The following PADI4 variants were observed in gnomAD, a reference collection of about 807,000 sequenced individuals.
PADI4 encodes peptidyl arginine deiminase 4, also known as protein-arginine deiminase type-4.
PADI4 carries 62 observed loss-of-function variants against 75.0 expected under a neutral mutation model. The ratio of observed to expected loss-of-function variants is 0.83; its 90% CI spans 0.67 to 1.02. The LOEUF (loss-of-function observed/expected upper bound fraction) is 1.02. Ranked by LOEUF, PADI4 falls within the 50% of genes least tolerant of loss-of-function variation. The probability of loss-of-function intolerance (pLI) is 0.00; values close to 1 mark genes in which losing one functional copy is unlikely to be tolerated. For synonymous variants in PADI4, 361 were observed against 348.1 expected (o/e 1.04, Z -0.41); for missense variants, 845 against 850.5 (o/e 0.99, Z 0.08).
intron 10 of PADI4, among the ~76,000 whole-genome samples, chr1:17,351,201 G>GAA (rs61284318): frequency 0.026 from 1,960 of 76,800 alleles, 84 homozygotes; most frequent in African/African-American, 0.085. Context: ...TGTCCCAGAG[G>GAA]AAAAAAAAAA....
intron 10 of PADI4, among the ~76,000 whole-genome samples, chr1:17,353,112 G>A (rs977067179): frequency 5.3e-5 from 8 of 152,128 alleles, no homozygotes; most frequent in African/African-American, 1.4e-4. Context: ...CGGGAGAAGC[G>A]GGTTGGTCTG....
rs2074885814 is a variant in PADI4, at chr1:17,363,988, A to G, written c.*233A>G. 2.5e-6 allele frequency: 1 copy of G among 406,682 alleles called. No individual in the cohort carries two copies. The highest frequency in any genetic ancestry group is 4.5e-6 in the Non-Finnish European group (1 of 223,608). 25.2% of individuals were successfully genotyped at this position (406,682 alleles called of 1,614,324 possible). Reference sequence around the variant, plus strand: ...AAGAAGCTGCAATAAAGTTTTTTTAAGTCACTTTGTACATGAGGTCAAGAT... The same window carrying G: ...AAGAAGCTGCAATAAAGTTTTTTTAGGTCACTTTGTACATGAGGTCAAGAT... On this transcript the variant is annotated 3_prime_UTR_variant, in exon 16 of 16. Transcript: ENST00000375448.
At chr1:17,360,297 A>G (rs1188658414) in intron 15 of PADI4, among the ~76,000 whole-genome samples, 10 of 151,874 alleles carry the variant, frequency 6.6e-5, no homozygotes, top group African/African-American at 2.4e-4. Context: ...TCTCGGGAAA[A>G]AAAAAAAAAA....
At chr1:17,320,301 A>G (rs1569993982) in intron 1 of PADI4, among the ~76,000 whole-genome samples, 2 of 152,296 alleles carry the variant, frequency 1.3e-5, no homozygotes, top group Admixed American at 1.3e-4. Flanking sequence ...AGTGGTCCCA[A>G]TCCAGACCCC....
chr1:17,346,106 TGAG>T lies in PADI4; in HGVS notation c.1021_1023del (p.Glu341del). ...CCAAGTGCAAGCTGACCATCTGCCC[TGAG>T]GAGGAGAACATGGATGACCAGTGGA... is the stretch of plus-strand genomic sequence containing the variant. On this transcript the variant is annotated inframe_deletion, in exon 9 of 16. Transcript: ENST00000375448. This position sits in a 1 kb window ranked among gnomAD's most constrained non-coding sequence, Gnocchi z 4.3. 4.3e-6 allele frequency: 7 copies of T among 1,613,548 alleles called. No individual in the cohort carries two copies. The highest frequency in any genetic ancestry group is 5.9e-6 in the Non-Finnish European group (7 of 1,179,430).
chr1:17,332,528 G>C (rs1362139038), intron 2 of PADI4, among the ~76,000 whole-genome samples: 1 of 152,184 alleles, frequency 6.6e-6, no homozygotes, highest in African/African-American at 2.4e-5. Context: ...GGGATTACAG[G>C]CATGAGCCAC....
chr1:17,318,690 C>CTT (rs11464953), intron 1 of PADI4, among the ~76,000 whole-genome samples: 3,288 of 143,024 alleles, frequency 0.023, 126 homozygotes, highest in African/African-American at 0.08. Flanking sequence ...GATTTTTTTT[C>CTT]TTTTTTTTTT....
chr1:17,359,502 T>C, intron 15 of PADI4, 94 bp downstream of exon 15: 5 of 1,547,580 alleles, frequency 3.2e-6, no homozygotes, highest in Admixed American at 1.8e-5. Flanking sequence ...CCAGAGGGCT[T>C]GGCTCCTCTC....
chr1:17,322,795 CCCTT>C (rs1018586714), intron 1 of PADI4, among the ~76,000 whole-genome samples: 1 of 151,628 alleles, frequency 6.6e-6, no homozygotes, highest in South Asian at 2.1e-4. Flanking sequence ...CTTCTTCCCT[CCCTT>C]CCTTCTTTCT....
chr1:17,355,473 C>T (rs1053047693), intron 11 of PADI4, among the ~76,000 whole-genome samples: 4 of 151,656 alleles, frequency 2.6e-5, no homozygotes, highest in African/African-American at 7.3e-5. Flanking sequence ...CGCTTGATCC[C>T]GGGAGGCGGA....
Position 17,363,529 on chromosome 1 carries a change from T to C in PADI4, c.1766T>C (p.Met589Thr). ...AEAFFPNMVN[M>T]LVLGKHLGIP... ...ACCCTCACTTCCCTGCAGGTGAACATGCTGGTGCTAGGGAAGCACCTGGGC... is the reference window on the plus strand; with the variant it reads ...ACCCTCACTTCCCTGCAGGTGAACACGCTGGTGCTAGGGAAGCACCTGGGC... Residue 589 changes from methionine to threonine, a missense_variant, in exon 16 of 16, where the codon ATG becomes ACG. Met to Thr is a moderately conservative substitution (Grantham distance 81). Coordinates refer to ENST00000375448, the MANE Select transcript of PADI4 (RefSeq NM_012387.3). 1 of 1,610,908 alleles carries C rather than the reference T, an allele frequency of 6.2e-7. No homozygotes were observed. Among genetic ancestry groups the C allele is most frequent in the African/African-American group, 1.3e-5 (1 of 74,976 alleles).
intron 5 of PADI4, among the ~76,000 whole-genome samples, chr1:17,338,504 G>C (rs1017085593): frequency 6.6e-6 from 1 of 152,132 alleles, no homozygotes; most frequent in Non-Finnish European, 1.5e-5. Context: ...TCATATCAGA[G>C]CAGGCCCTGA....
intron 2 of PADI4, among the ~76,000 whole-genome samples, chr1:17,332,830 G>T (rs918371239): frequency 6.6e-6 from 1 of 152,120 alleles, no homozygotes; most frequent in Non-Finnish European, 1.5e-5. Context: ...GTCGGGGAAG[G>T]CTTCCTGAAA....
At chr1:17,314,564 C>T (rs79629010) in intron 1 of PADI4, among the ~76,000 whole-genome samples, 51 of 152,246 alleles carry the variant, frequency 3.3e-4, no homozygotes, top group African/African-American at 7.7e-4. Flanking sequence ...TACCACATGC[C>T]GGGCCCTCCA....
At chr1:17,332,891 G>A (rs71644036) in intron 2 of PADI4, among the ~76,000 whole-genome samples, 2,439 of 152,274 alleles carry the variant, frequency 0.016, 34 homozygotes, top group Non-Finnish European at 0.024. Context: ...GAGCAGGAGA[G>A]AGGAGAGAGT....
chr1:17,363,064 G>A (rs905501853), intron 15 of PADI4, among the ~76,000 whole-genome samples: 86 of 152,126 alleles, frequency 5.7e-4, no homozygotes, highest in African/African-American at 2.0e-3. Context: ...TGATCCACTC[G>A]CCTAGGCCTC....
At chr1:17,352,284 C>T (rs1376842926) in intron 10 of PADI4, among the ~76,000 whole-genome samples, 1 of 148,130 alleles carries the variant, frequency 6.8e-6, no homozygotes, top group African/African-American at 2.6e-5. Context: ...AGATGGGGGG[C>T]AGTAGAAGAG....
intron 1 of PADI4, among the ~76,000 whole-genome samples, chr1:17,329,857 T>C (rs1387554908): frequency 2.0e-5 from 3 of 152,238 alleles, no homozygotes; most frequent in Admixed American, 1.3e-4. Context: ...TTGATGTTCT[T>C]CACTTTGACC....
intron 1 of PADI4, among the ~76,000 whole-genome samples, chr1:17,314,477 C>T (rs111602272): frequency 2.6e-5 from 4 of 152,182 alleles, no homozygotes; most frequent in Non-Finnish European, 4.4e-5. Flanking sequence ...ATCTCCTGGC[C>T]GGGAACTGCC....
Sources: gnomAD v4.1 joint callset for allele counts (sites outside exome capture counted in the v4.1 genomes callset) on GRCh38, gnomAD v4.1.1 for gene constraint, Gnocchi (gnomAD v3.1) non-coding constraint, MANE v1.5 for transcripts, NCBI Gene and HGNC (gene_info 2026-07-23, HGNC 2026-07-21) for gene names.